MGAT4C: variants seen among roughly 807,000 people sequenced by gnomAD.
The protein encoded by MGAT4C is alpha-1,3-mannosyl-glycoprotein 4-beta-N-acetylglucosaminyltransferase C.
Under a neutral mutation model 40.1 loss-of-function variants are expected in MGAT4C, and 19 were observed. The ratio of observed to expected loss-of-function variants is 0.47; its 90% confidence interval spans 0.33 to 0.70. The LOEUF (loss-of-function observed/expected upper bound fraction) is 0.70, where lower values mean the gene tolerates loss of function less well. Ranked by LOEUF, MGAT4C falls within the 30% of genes least tolerant of loss-of-function variation. The pLI, the probability that MGAT4C is intolerant of heterozygous loss-of-function variation, is 0.02. For missense variants in MGAT4C, 491 were observed against 563.2 expected (o/e 0.87, Z 1.30); for synonymous variants, 181 against 187.1 (o/e 0.97, Z 0.27).
chr12:86,326,065 G>T (rs1176522453), intron 4 of MGAT4C, among the ~76,000 whole-genome samples: 2 of 151,880 alleles, frequency 1.3e-5, no homozygotes, highest in Admixed American at 1.3e-4. Flanking sequence ...ATCTGAGCTT[G>T]CCTATTATTT....
intron 3 of MGAT4C, among the ~76,000 whole-genome samples, chr12:86,347,051 G>A (rs528233726): frequency 4.6e-5 from 7 of 152,138 alleles, no homozygotes; most frequent in Admixed American, 3.9e-4. Context: ...CTGCACTGTC[G>A]GCTTCCCTAG....
intron 1 of MGAT4C, among the ~76,000 whole-genome samples, chr12:86,771,686 ATGTGTGTGTGTGTGTGTGTG>A (rs59917182): frequency 2.7e-5 from 4 of 146,754 alleles, no homozygotes; most frequent in East Asian, 2.0e-4. Flanking sequence ...ATAAATATAT[ATGTGTGTGTGTGTGTGTGTG>A]TGTGTGTGTG....
chr12:86,064,192 C>T (rs1894280225), intron 1 of MGAT4C, among the ~76,000 whole-genome samples: 1 of 152,142 alleles, frequency 6.6e-6, no homozygotes, highest in Non-Finnish European at 1.5e-5. Context: ...GAAATCATAA[C>T]AAACAGTCTC....
chr12:86,757,974 T>A (rs182567606), intron 1 of MGAT4C, among the ~76,000 whole-genome samples: 1 of 152,154 alleles, frequency 6.6e-6, no homozygotes, highest in Non-Finnish European at 1.5e-5. Context: ...ACATATAGTA[T>A]CCTGAGGGTG....
intron 2 of MGAT4C, among the ~76,000 whole-genome samples, chr12:86,022,826 G>A (rs1380899070): frequency 6.6e-6 from 1 of 152,108 alleles, no homozygotes; most frequent in African/African-American, 2.4e-5. Context: ...AAAATGCACA[G>A]GTTATAATAG....
chr12:86,727,792 T>C (rs1950847137), intron 1 of MGAT4C, among the ~76,000 whole-genome samples: 1 of 152,058 alleles, frequency 6.6e-6, no homozygotes, highest in African/African-American at 2.4e-5. Context: ...TCATTGTTCA[T>C]AATGTATTTC....
At chr12:86,524,072 T>C (rs986761401) in intron 2 of MGAT4C, among the ~76,000 whole-genome samples, 2 of 152,172 alleles carry the variant, frequency 1.3e-5, no homozygotes, top group African/African-American at 4.8e-5. Context: ...TTGGGTCATA[T>C]AGCTAGCTCA....
At chr12:86,593,915 G>A (rs781177634) in intron 2 of MGAT4C, among the ~76,000 whole-genome samples, 1 of 152,068 alleles carries the variant, frequency 6.6e-6, no homozygotes, top group African/African-American at 2.4e-5. Context: ...TAGAGACAAT[G>A]TCATGCTTTT....
At chr12:86,510,004 C>T (rs1176851442) in intron 2 of MGAT4C, among the ~76,000 whole-genome samples, 7 of 152,268 alleles carry the variant, frequency 4.6e-5, no homozygotes, top group Admixed American at 3.3e-4. Flanking sequence ...ATGTCGTCTG[C>T]AAACAGGGAC....
chr12:86,145,339 TTTG>T (rs1883375398), intron 1 of MGAT4C, among the ~76,000 whole-genome samples: 1 of 152,174 alleles, frequency 6.6e-6, no homozygotes, highest in African/African-American at 2.4e-5. Flanking sequence ...CAGTACTTAA[TTTG>T]TTGATAGCCT....
At chr12:86,312,162 G>A (rs769060703) in intron 4 of MGAT4C, among the ~76,000 whole-genome samples, 30 of 152,258 alleles carry the variant, frequency 2.0e-4, no homozygotes, top group Middle Eastern at 3.4e-3. Flanking sequence ...GCTTCTCAGG[G>A]TATTTTATCA....
intron 2 of MGAT4C, among the ~76,000 whole-genome samples, chr12:86,486,099 G>C (rs901688720): frequency 6.6e-6 from 1 of 151,986 alleles, no homozygotes; most frequent in Non-Finnish European, 1.5e-5. Context: ...ACAATACCCA[G>C]TACCACAAAA....
At chr12:86,240,290 A>G (rs1428174951) in intron 1 of MGAT4C, among the ~76,000 whole-genome samples, 1 of 151,742 alleles carries the variant, frequency 6.6e-6, no homozygotes, top group Non-Finnish European at 1.5e-5. Context: ...CTCTAGATAT[A>G]TATGCCCTGA....
intron 1 of MGAT4C, among the ~76,000 whole-genome samples, chr12:86,731,363 T>C (rs2136120235): frequency 6.6e-6 from 1 of 152,210 alleles, no homozygotes; most frequent in African/African-American, 2.4e-5. Flanking sequence ...AGTGGTTTTC[T>C]CTAAGAATAA....
chr12:86,250,394 T>G (rs962859951), intron 1 of MGAT4C, among the ~76,000 whole-genome samples: 2 of 149,948 alleles, frequency 1.3e-5, no homozygotes, highest in African/African-American at 4.9e-5. Context: ...AAAACATACT[T>G]TGCCTCTAAT....
At chr12:86,218,841 C>T (rs1593266074) in intron 1 of MGAT4C, among the ~76,000 whole-genome samples, 1 of 152,212 alleles carries the variant, frequency 6.6e-6, no homozygotes, top group Middle Eastern at 3.4e-3. Context: ...ATTTAATAAA[C>T]AGTGCTATAC....
At chr12:86,309,432 G>T (rs1008298372) in intron 4 of MGAT4C, among the ~76,000 whole-genome samples, 6 of 152,178 alleles carry the variant, frequency 3.9e-5, no homozygotes, top group African/African-American at 1.2e-4. Flanking sequence ...CAGGCATCTG[G>T]CTTGGGCCTT....
Position 86,824,775 on chromosome 12 carries a change from G to T in MGAT4C, c.-262+13891C>A, listed in dbSNP as rs374021731. Among the ~76,000 whole-genome samples the T allele has an allele frequency of 7.5e-4, 104 of 139,256 alleles. No homozygotes were observed. In the South Asian group the frequency reaches 0.022, roughly 30 times the overall value. The allele number at this position is 139,256 out of a possible 152,430, so 91.4% of individuals were successfully genotyped here. On this transcript the variant is annotated intron_variant, in intron 1 of 7. Transcript: ENST00000548651. The stretch of plus-strand genomic sequence containing the variant: ...AAAAAGAGAGAGAGAGAGAAGAAAA[G>T]AAAAAATACAAGTTTTTTATATTGA...
At chr12:85,994,952 A>C (rs571333632) in intron 2 of MGAT4C, among the ~76,000 whole-genome samples, 13 of 152,244 alleles carry the variant, frequency 8.5e-5, no homozygotes, top group Non-Finnish European at 1.6e-4. Context: ...TATAAATGGA[A>C]AAGAAAGAAA....
Sources: allele counts gnomAD v4.1 joint callset (sites outside exome capture counted in the v4.1 genomes callset), GRCh38; gene constraint gnomAD v4.1.1; transcripts MANE v1.5; gene names NCBI Gene and HGNC (gene_info 2026-07-23, HGNC 2026-07-21).